Variants in TRAPPC12 observed in about 807,000 individuals in gnomAD.
TRAPPC12 encodes TPR repeat protein 15.
A neutral mutation model predicts 69.2 loss-of-function variants in TRAPPC12; 61 were observed. That is an observed-to-expected ratio of 0.88 (90% CI 0.72 to 1.09). TRAPPC12 has a LOEUF of 1.09. Among genes scored for constraint, TRAPPC12 ranks in the 50% least tolerant of loss-of-function variants. TRAPPC12 has a pLI of 0.00. For missense variants in TRAPPC12, 1,101 were observed against 1,016.4 expected (o/e 1.08, Z -1.13); for synonymous variants, 469 against 438.9 (o/e 1.07, Z -0.86).
intron 5 of TRAPPC12, 61 bp from the exon 6 acceptor site, chr2:3,443,718 C>T: frequency 7.5e-7 from 1 of 1,338,292 alleles, no homozygotes; most frequent in Non-Finnish European, 1.1e-6. Flanking sequence ...TCAAGTGTGC[C>T]AAGTATGAAT....
chr2:3,469,092 C>CA (rs566028423), intron 9 of TRAPPC12, among the ~76,000 whole-genome samples: 230 of 152,350 alleles, frequency 1.5e-3, no homozygotes, highest in Middle Eastern at 3.4e-3. Context: ...ACTTTAAACT[C>CA]AGAGTGTTCA....
chr2:3,401,688 AAAG>A (rs1661452247), intron 2 of TRAPPC12, 86 bp from the exon 3 acceptor site: 11 of 817,068 alleles, frequency 1.3e-5, no homozygotes, highest in Non-Finnish European at 1.8e-5. Flanking sequence ...AGTGGAGAAA[AAAG>A]AAATTGTGTT....
chr2:3,409,698 C>G (rs1661934721), intron 3 of TRAPPC12, among the ~76,000 whole-genome samples: 1 of 143,948 alleles, frequency 6.9e-6, no homozygotes, highest in East Asian at 2.0e-4. Context: ...TGCAGTGAGC[C>G]CTGATCGCAC....
At chr2:3,400,204 CACT>C (rs1226845173) in intron 2 of TRAPPC12, among the ~76,000 whole-genome samples, 42 of 152,236 alleles carry the variant, frequency 2.8e-4, no homozygotes, top group Non-Finnish European at 5.7e-4. Flanking sequence ...ACCTCAGAGC[CACT>C]GCTTCCTCCT....
chr2:3,466,060 C>G (rs1261863169), intron 9 of TRAPPC12, among the ~76,000 whole-genome samples: 1 of 152,218 alleles, frequency 6.6e-6, no homozygotes, highest in Non-Finnish European at 1.5e-5. Context: ...CCTGAAATAA[C>G]CCTTGAATCA....
At chr2:3,472,675 A>G (rs1215509536) in intron 9 of TRAPPC12, 1 of 152,228 alleles carries the variant, frequency 6.6e-6, no homozygotes. Flanking sequence ...TAAAAAGACA[A>G]CCTATGGCAT....
intron 7 of TRAPPC12, chr2:3,457,944 A>T (rs1298766045): frequency 6.5e-6 from 9 of 1,384,792 alleles, no homozygotes; most frequent in Non-Finnish European, 8.4e-6. Flanking sequence ...CCACAAAAGC[A>T]CACGGCCCGG....
intron 5 of TRAPPC12, among the ~76,000 whole-genome samples, chr2:3,425,337 G>A (rs1663042083): frequency 6.6e-6 from 1 of 152,150 alleles, no homozygotes; most frequent in Non-Finnish European, 1.5e-5. Context: ...AACAGTCCTG[G>A]CAGGATGTCT....
chr2:3,395,071 A>G lies in TRAPPC12; in HGVS notation c.1047+6401A>G, dbSNP rs75058695. ...AGTATACTTTCTGGGGCTTACGATAAATGTGCATTTAGCTCTATAAGAAAT... is the reference window on the plus strand; with the variant it reads ...AGTATACTTTCTGGGGCTTACGATAGATGTGCATTTAGCTCTATAAGAAAT... On this transcript the variant is annotated intron_variant, in intron 2 of 11. Coordinates refer to ENST00000324266, the MANE Select transcript of TRAPPC12 (RefSeq NM_016030.6). 0.017 allele frequency among the ~76,000 whole-genome samples: 2,601 copies of G among 152,308 alleles called. 106 individuals carry two copies. In the East Asian group the frequency reaches 0.17, roughly 10 times the overall value.
chr2:3,425,921 C>A (rs1663075996), intron 5 of TRAPPC12, among the ~76,000 whole-genome samples: 1 of 152,118 alleles, frequency 6.6e-6, no homozygotes, highest in African/African-American at 2.4e-5. Flanking sequence ...AATCTTTGAA[C>A]TTCTTTGTGT....
In TRAPPC12 at chr2:3,407,911, T is replaced by C. The variant is rs150616468; in HGVS notation, c.1164+6018T>C. On this transcript the variant is annotated intron_variant, in intron 3 of 11. Coordinates refer to ENST00000324266, the MANE Select transcript of TRAPPC12 (RefSeq NM_016030.6). ...ACACTAAGAAAATAAGCAATTATAA[T>C]TTCAAATAGCAGACGGCATGCGATC... Among the ~76,000 whole-genome samples the C allele has an allele frequency of 4.9e-3, 750 of 152,290 alleles. 7 individuals carry two copies. Among genetic ancestry groups the C allele is most frequent in the African/African-American group, 0.017 (726 of 41,582 alleles).
chr2:3,392,162 G>A (rs1660863682), intron 2 of TRAPPC12, among the ~76,000 whole-genome samples: 1 of 152,086 alleles, frequency 6.6e-6, no homozygotes, highest in African/African-American at 2.4e-5. Context: ...AAGCTTTCAA[G>A]GAATGGAAAA....
At chr2:3,457,248 T>G (rs1053476729) in intron 6 of TRAPPC12, 1 of 445,992 alleles carries the variant, frequency 2.2e-6, no homozygotes, top group South Asian at 1.7e-5. Context: ...AAGCTAAACA[T>G]TGGATTCACA....
chr2:3,469,681 G>T (rs1665977295), intron 9 of TRAPPC12, among the ~76,000 whole-genome samples: 1 of 152,190 alleles, frequency 6.6e-6, no homozygotes, highest in Admixed American at 6.5e-5. Context: ...TGCCTCCTCA[G>T]GCCATGTCAC....
intron 5 of TRAPPC12, among the ~76,000 whole-genome samples, chr2:3,436,853 T>TC (rs1663821260): frequency 1.3e-5 from 1 of 74,760 alleles, no homozygotes; most frequent in Non-Finnish European, 2.5e-5. Context: ...CCAGGATTAA[T>TC]ACCCCATCAC....
intron 2 of TRAPPC12, among the ~76,000 whole-genome samples, chr2:3,396,239 GTT>G (rs59004841): frequency 0.16 from 24,082 of 147,210 alleles, 2,192 homozygotes; most frequent in Non-Finnish European, 0.21. Context: ...AGGTTGACAG[GTT>G]TTTTTTTTTT....
intron 4 of TRAPPC12, among the ~76,000 whole-genome samples, chr2:3,423,353 TAA>T (rs1240835262): frequency 6.6e-6 from 1 of 150,500 alleles, no homozygotes; most frequent in African/African-American, 2.5e-5. Flanking sequence ...TGTGTGTGTG[TAA>T]TGAGAACACT....
At chr2:3,410,137 A>G (rs1160835294) in intron 3 of TRAPPC12, among the ~76,000 whole-genome samples, 2 of 152,142 alleles carry the variant, frequency 1.3e-5, no homozygotes, top group Non-Finnish European at 2.9e-5. Flanking sequence ...TTGTGTAGAT[A>G]TGACTGCATG....
chr2:3,457,946 A>G, intron 7 of TRAPPC12: 2 of 1,369,436 alleles, frequency 1.5e-6, no homozygotes, highest in East Asian at 2.8e-5. Context: ...ACAAAAGCAC[A>G]CGGCCCGGAA....
Sources: allele counts gnomAD v4.1 joint callset (sites outside exome capture counted in the v4.1 genomes callset), GRCh38; gene constraint gnomAD v4.1.1; transcripts MANE v1.5; gene names NCBI Gene and HGNC (gene_info 2026-07-23, HGNC 2026-07-21).